Variants in PEDS1 observed in about 807,000 individuals in gnomAD.
PEDS1 encodes the protein plasmanylethanolamine desaturase 1.
In PEDS1, 14 loss-of-function variants were observed where a neutral mutation model predicts 35.2. The ratio of observed to expected loss-of-function variants is 0.40; its 90% confidence interval spans 0.26 to 0.62. The LOEUF is 0.62. PEDS1 is among the 20% of genes least tolerant of loss of function. The pLI, the probability that PEDS1 is intolerant of heterozygous loss-of-function variation, is 0.44. For missense variants in PEDS1, 260 were observed against 367.8 expected (o/e 0.71, Z 2.40); for synonymous variants, 152 against 152.0 (o/e 1.00, Z 0.00).
In PEDS1 at chr20:50,125,266, G is replaced by C. The variant is rs568853124; in HGVS notation, c.692-87C>G. The stretch of plus-strand genomic sequence containing the variant: ...AGAGCTGACCTTCACTGGGCTGGAG[G>C]GGCCCAATGAGGAGTGAGTCAGTAC... On this transcript the variant is annotated intron_variant, in intron 5 of 5. Transcript: ENST00000371652. 2.5e-4 allele frequency: 381 copies of C among 1,532,480 alleles called. 2 individuals carry two copies. Among genetic ancestry groups the C allele is most frequent in the Non-Finnish European group, 8.8e-5 (99 of 1,125,162 alleles). 94.9% of individuals were successfully genotyped at this position (1,532,480 alleles called of 1,614,324 possible). A position where few individuals can be genotyped will look rare whatever the true frequency, so the allele number is the denominator to read the frequency against.
intron 2 of PEDS1, among the ~76,000 whole-genome samples, chr20:50,137,020 G>T (rs2081242968): frequency 6.6e-6 from 1 of 151,804 alleles, no homozygotes; most frequent in African/African-American, 2.4e-5. Context: ...GACAGAGGAA[G>T]ACTTCATCTC....
chr20:50,151,715 C>T (rs111522110), intron 1 of PEDS1, among the ~76,000 whole-genome samples: 15,153 of 152,028 alleles, frequency 0.1, 2,423 homozygotes, highest in African/African-American at 0.34. Context: ...GAAAATTAGC[C>T]GGGCATGGTG....
intron 2 of PEDS1, among the ~76,000 whole-genome samples, chr20:50,135,942 T>A (rs1485216302): frequency 1.3e-5 from 2 of 152,222 alleles, no homozygotes; most frequent in Non-Finnish European, 2.9e-5. Context: ...CATCTGGATG[T>A]ACAATGATGC....
intron 1 of PEDS1, among the ~76,000 whole-genome samples, chr20:50,147,128 T>C (rs1164323985): frequency 6.6e-6 from 1 of 152,168 alleles, no homozygotes; most frequent in Admixed American, 6.5e-5. Flanking sequence ...ACAGTTACCC[T>C]AACAATGGCT....
In PEDS1 at chr20:50,124,968, A is replaced by T; in HGVS notation, c.*90T>A. On this transcript the variant is annotated 3_prime_UTR_variant, in exon 6 of 6. Transcript: ENST00000371652. ...CCCAGGAGATGTCCTCTCCATCTGG[A>T]GGGGCCAGCTCAAAGAGGCTGGAAT... 2 of 1,559,866 alleles carry T rather than the reference A, an allele frequency of 1.3e-6. No homozygotes were observed. Among genetic ancestry groups the T allele is most frequent in the Non-Finnish European group, 8.7e-7 (1 of 1,144,652 alleles).
intron 2 of PEDS1, among the ~76,000 whole-genome samples, chr20:50,142,294 G>C (rs577892450): frequency 3.9e-5 from 6 of 152,334 alleles, no homozygotes; most frequent in African/African-American, 1.4e-4. Flanking sequence ...TTGAGCTAGG[G>C]ACACAGCAGT....
At chr20:50,152,052 CAG>C (rs1361124069) in intron 1 of PEDS1, among the ~76,000 whole-genome samples, 1 of 152,122 alleles carries the variant, frequency 6.6e-6, no homozygotes, top group Non-Finnish European at 1.5e-5. Context: ...AGCTGAATAA[CAG>C]AGTCAGGATG....
chr20:50,142,689 C>CT (rs140590269), intron 2 of PEDS1, among the ~76,000 whole-genome samples: 1 of 94,220 alleles, frequency 1.1e-5, no homozygotes, highest in African/African-American at 3.8e-5. Flanking sequence ...TCCGCCCCCC[C>CT]CCCCCCGCCC....
At chr20:50,143,942 C>T (rs899997673) in intron 1 of PEDS1, among the ~76,000 whole-genome samples, 3 of 152,074 alleles carry the variant, frequency 2.0e-5, no homozygotes, top group African/African-American at 7.2e-5. Flanking sequence ...TGTGATCCGC[C>T]CACCTTGGCC....
intron 1 of PEDS1, among the ~76,000 whole-genome samples, chr20:50,149,575 A>G (rs1297464998): frequency 6.6e-6 from 1 of 152,136 alleles, no homozygotes; most frequent in Non-Finnish European, 1.5e-5. Flanking sequence ...GTCCTGCAGG[A>G]CCAGGGCTCA....
chr20:50,129,639 G>A lies in PEDS1; in HGVS notation c.385C>T (p.Arg129Trp), dbSNP rs1369337119. 1.2e-6 allele frequency: 2 copies of A among 1,614,108 alleles called. No homozygotes were observed. The highest frequency in any genetic ancestry group is 1.3e-5 in the African/African-American group (1 of 75,010). Residue 129 changes from arginine (R) to tryptophan (W), a missense_variant, in exon 4 of 6, where the codon CGG (arginine) becomes TGG (tryptophan). Transcript: ENST00000371652. This position sits in a 1 kb window ranked among gnomAD's most constrained non-coding sequence, Gnocchi z 4.2. ...EHHIDPTAIT[R>W]HDFIETNGDN... ...CCGTTGGTCTCGATGAAGTCGTGCC[G>A]TGTGATAGCTGTCGGGTCAATGTGG...
chr20:50,130,741 AATG>A, intron 3 of PEDS1, 112 bp downstream of exon 3: 3 of 1,334,980 alleles, frequency 2.2e-6, no homozygotes, highest in East Asian at 4.8e-5. Context: ...GACAGGCTGC[AATG>A]ATGGTTCCCA....
In PEDS1 at chr20:50,153,521, C is replaced by T. The variant is rs1285853171; in HGVS notation, c.117G>A (p.Ser39=). Residue 39 remains serine, a synonymous_variant, in exon 1 of 6, where the codon TCG becomes TCA. Transcript: ENST00000371652. The part of the protein sequence containing the change: ...AGARELAALY[S]PGKRLQEWCS... Reference sequence around the variant, plus strand: ...AGGGGGGCCCAGAGGTCTTACCTGGCGAGTAGAGCGCAGCCAGCTCGCGGG... The same window carrying T: ...AGGGGGGCCCAGAGGTCTTACCTGGTGAGTAGAGCGCAGCCAGCTCGCGGG... 5.7e-6 allele frequency: 8 copies of T among 1,409,160 alleles called. No individual in the cohort carries two copies. The highest frequency in any genetic ancestry group is 1.4e-5 in the South Asian group (1 of 69,480). 87.3% of individuals were successfully genotyped at this position (1,409,160 alleles called of 1,614,324 possible).
rs1239026760 is a variant in PEDS1, at chr20:50,122,444, T to G, written c.*2614A>C. ...ATGGCTGGACGCAGTGGCTCATGCCTGTAATCCCAACACTTTGGGAGGCCA... is the reference window on the plus strand; with the variant it reads ...ATGGCTGGACGCAGTGGCTCATGCCGGTAATCCCAACACTTTGGGAGGCCA... On this transcript the variant is annotated 3_prime_UTR_variant, in exon 6 of 6. Transcript: ENST00000371652. 1.3e-5 allele frequency: 2 copies of G among 152,218 alleles called. No homozygotes were observed. The highest frequency in any genetic ancestry group is 2.9e-5 in the Non-Finnish European group (2 of 68,050). 9.4% of individuals were successfully genotyped at this position (152,218 alleles called of 1,614,324 possible). A position where few individuals can be genotyped will look rare whatever the true frequency, so the allele number is the denominator to read the frequency against.
At chr20:50,135,530 T>G (rs1461754728) in intron 2 of PEDS1, among the ~76,000 whole-genome samples, 1 of 151,288 alleles carries the variant, frequency 6.6e-6, no homozygotes, top group Non-Finnish European at 1.5e-5. Context: ...TGGTGGCGCA[T>G]GCCTGTAATC....
intron 1 of PEDS1, among the ~76,000 whole-genome samples, chr20:50,148,564 A>G (rs2081369516): frequency 6.6e-6 from 1 of 152,120 alleles, no homozygotes; most frequent in South Asian, 2.1e-4. Context: ...AGAGCAGGGG[A>G]GGCCTGGGGT....
rs2081065178 is a variant in PEDS1 at position 50,123,118 on chromosome 20, A to C, written c.*1940T>G. The C allele has an allele frequency of 6.6e-6, 1 of 152,130 alleles. No homozygotes were observed. Among genetic ancestry groups the C allele is most frequent in the Admixed American group, 6.6e-5 (1 of 15,250 alleles). The allele number at this position is 152,130 out of a possible 1,614,324, so 9.4% of individuals were successfully genotyped here. A position where few individuals can be genotyped will look rare whatever the true frequency, so the allele number is the denominator to read the frequency against. On this transcript the variant is annotated 3_prime_UTR_variant, in exon 6 of 6. Coordinates refer to ENST00000371652, the MANE Select transcript of PEDS1 (RefSeq NM_199129.4). ...AACATAGTAATAAATACAAATAAAT[A>C]AAATGACCAGCAGGTCCCCACTCAC... is the stretch of plus-strand genomic sequence containing the variant.
chr20:50,132,123 G>T (rs930903933), intron 2 of PEDS1, among the ~76,000 whole-genome samples: 20 of 152,108 alleles, frequency 1.3e-4, no homozygotes, highest in African/African-American at 4.6e-4. Context: ...AGAATGGCTT[G>T]AGCCCGGGAG....
intron 2 of PEDS1, among the ~76,000 whole-genome samples, chr20:50,135,368 G>A (rs1325569449): frequency 1.3e-5 from 2 of 151,716 alleles, no homozygotes; most frequent in Admixed American, 6.6e-5. Context: ...CTGATAGAAA[G>A]CATTTCCAGG....
Sources: gnomAD v4.1 joint callset for allele counts (sites outside exome capture counted in the v4.1 genomes callset) on GRCh38, gnomAD v4.1.1 for gene constraint, Gnocchi (gnomAD v3.1) non-coding constraint, MANE v1.5 for transcripts, NCBI Gene and HGNC (gene_info 2026-07-23, HGNC 2026-07-21) for gene names.